The following ST8SIA1 variants were observed in gnomAD, a reference collection of about 807,000 sequenced individuals.
The protein encoded by ST8SIA1 is alpha-N-acetylneuraminide alpha-2,8-sialyltransferase.
A neutral mutation model predicts 35.9 loss-of-function variants in ST8SIA1; 16 were observed. The observed-to-expected ratio is 0.45, with a 90% CI of 0.30 to 0.68. The LOEUF is 0.68. Ranked by LOEUF, ST8SIA1 falls within the 30% of genes least tolerant of loss-of-function variation. The probability of loss-of-function intolerance (pLI) is 0.09; values close to 1 mark genes in which losing one functional copy is unlikely to be tolerated. For missense variants in ST8SIA1, 383 were observed against 453.6 expected (o/e 0.84, Z 1.41); for synonymous variants, 170 against 169.6 (o/e 1.00, Z -0.02).
chr12:22,325,507 C>A, intron 1 of ST8SIA1: 1 of 701,670 alleles, frequency 1.4e-6, no homozygotes, highest in South Asian at 1.5e-5. Flanking sequence ...TCCTTCAAAA[C>A]TCATTATCAT....
intron 4 of ST8SIA1, among the ~76,000 whole-genome samples, chr12:22,248,324 C>T (rs1031173795): frequency 1.3e-5 from 2 of 151,760 alleles, no homozygotes; most frequent in Admixed American, 6.6e-5. Context: ...AGACGGACTC[C>T]TTCTCTACAA....
chr12:22,226,930 T>G (rs1865365841), intron 4 of ST8SIA1, among the ~76,000 whole-genome samples: 1 of 152,094 alleles, frequency 6.6e-6, no homozygotes, highest in Non-Finnish European at 1.5e-5. Context: ...CCTCTGAGTC[T>G]TTTTTGTTTG....
intron 4 of ST8SIA1, among the ~76,000 whole-genome samples, chr12:22,232,536 C>T (rs1198464891): frequency 6.6e-6 from 1 of 152,110 alleles, no homozygotes; most frequent in Non-Finnish European, 1.5e-5. Context: ...ATTCATATTA[C>T]ATATCCAAAT....
intron 1 of ST8SIA1, among the ~76,000 whole-genome samples, chr12:22,316,080 T>A (rs756149028): frequency 1.1e-4 from 16 of 152,130 alleles, no homozygotes; most frequent in Admixed American, 2.6e-4. Context: ...CAAGTAAATA[T>A]TCTTAAACAA....
chr12:22,331,712 T>G (rs1866767491), intron 1 of ST8SIA1, among the ~76,000 whole-genome samples: 1 of 152,206 alleles, frequency 6.6e-6, no homozygotes, highest in Non-Finnish European at 1.5e-5. Flanking sequence ...ACTCAAACCA[T>G]GAAACTTCTC....
In ST8SIA1 at chr12:22,255,350, C is replaced by A. The variant is rs1472465901; in HGVS notation, c.421G>T (p.Val141Leu). The change falls in exon 3 of 5, where the codon GTG (valine) becomes TTG (leucine). Residue 141 changes from valine (V) to leucine (L), a missense_variant. Coordinates refer to ENST00000396037, the MANE Select transcript of ST8SIA1 (RefSeq NM_003034.4). ...FQLPLKKCAV[V>L]GNGGILKKSG... is the part of the protein sequence containing the mutation. ...TTCTTCAGAATCCCACCATTTCCCACCACCGCGCATTTCTTCAATGGCAGC... is the reference window on the plus strand; with the variant it reads ...TTCTTCAGAATCCCACCATTTCCCAACACCGCGCATTTCTTCAATGGCAGC... The A allele has an allele frequency of 6.2e-7, 1 of 1,614,044 alleles. No individual in the cohort carries two copies. The highest frequency in any genetic ancestry group is 8.5e-7 in the Non-Finnish European group (1 of 1,180,034).
chr12:22,250,370 G>A (rs544271123), intron 3 of ST8SIA1, among the ~76,000 whole-genome samples: 1 of 152,242 alleles, frequency 6.6e-6, no homozygotes, highest in African/African-American at 2.4e-5. Context: ...TGTACACTTA[G>A]TAAATATTCA....
At chr12:22,219,356 TG>T (rs1471479913) in intron 4 of ST8SIA1, among the ~76,000 whole-genome samples, 1 of 152,158 alleles carries the variant, frequency 6.6e-6, no homozygotes, top group African/African-American at 2.4e-5. Flanking sequence ...TTTCCCTTTG[TG>T]TCATAAACTC....
chr12:22,204,318 GT>G, intron 4 of ST8SIA1, among the ~76,000 whole-genome samples: 1 of 152,282 alleles, frequency 6.6e-6, no homozygotes, highest in African/African-American at 2.4e-5. Flanking sequence ...GTAATGTGGT[GT>G]TTTGATATGC....
chr12:22,313,995 A>T (rs1866484581), intron 1 of ST8SIA1, among the ~76,000 whole-genome samples: 1 of 152,128 alleles, frequency 6.6e-6, no homozygotes, highest in African/African-American at 2.4e-5. Context: ...TAAGGGGTGC[A>T]TTTGGAATAA....
At chr12:22,206,041 A>G (rs1865105480) in intron 4 of ST8SIA1, among the ~76,000 whole-genome samples, 1 of 152,218 alleles carries the variant, frequency 6.6e-6, no homozygotes, top group South Asian at 2.1e-4. Context: ...TAAAAATGTT[A>G]AAGCATTCAG....
chr12:22,330,590 T>C (rs1338647682), intron 1 of ST8SIA1, among the ~76,000 whole-genome samples: 2 of 152,208 alleles, frequency 1.3e-5, no homozygotes, highest in Non-Finnish European at 2.9e-5. Context: ...ATCTGTCTTT[T>C]CCATGGGATT....
intron 4 of ST8SIA1, among the ~76,000 whole-genome samples, chr12:22,222,022 C>G (rs1395359015): frequency 6.6e-6 from 1 of 151,976 alleles, no homozygotes; most frequent in Non-Finnish European, 1.5e-5. Flanking sequence ...TTGGAATCTT[C>G]TTAATAGTAC....
In ST8SIA1 at chr12:22,290,843, G is replaced by A. The variant is rs148950483; in HGVS notation, c.237-3550C>T. Among the ~76,000 whole-genome samples, 460 of 152,268 alleles carry A rather than the reference G, an allele frequency of 3.0e-3. 2 individuals are homozygous for A. The highest frequency in any genetic ancestry group is 0.011 in the African/African-American group (447 of 41,536). ...CTTTTTCATGCTTTGCGCTGATGCT[G>A]TGTATTATTTGCTTTTCTTTTGTGG... On this transcript the variant is annotated intron_variant, in intron 1 of 4. Transcript: ENST00000396037.
At chr12:22,256,414 G>A (rs1167713069) in intron 2 of ST8SIA1, among the ~76,000 whole-genome samples, 1 of 152,202 alleles carries the variant, frequency 6.6e-6, no homozygotes, top group East Asian at 1.9e-4. Flanking sequence ...GAACTGCCAG[G>A]TACAGAATTT....
At chr12:22,248,019 A>T (rs377406770) in intron 4 of ST8SIA1, among the ~76,000 whole-genome samples, 1 of 152,240 alleles carries the variant, frequency 6.6e-6, no homozygotes, top group Non-Finnish European at 1.5e-5. Context: ...ATTGTTTTAC[A>T]TATGGGTAAC....
chr12:22,274,247 G>A (rs61921824), intron 2 of ST8SIA1, among the ~76,000 whole-genome samples: 8,206 of 152,222 alleles, frequency 0.054, 328 homozygotes, highest in East Asian at 0.15. Flanking sequence ...GACAATCAAG[G>A]GTTTTAAGCA....
At chr12:22,273,944 G>C (rs941585080) in intron 2 of ST8SIA1, among the ~76,000 whole-genome samples, 1 of 152,180 alleles carries the variant, frequency 6.6e-6, no homozygotes, top group Non-Finnish European at 1.5e-5. Flanking sequence ...CAAATGAAAG[G>C]TACCTGGTGC....
intron 4 of ST8SIA1, among the ~76,000 whole-genome samples, chr12:22,228,715 A>G (rs992036374): frequency 6.6e-6 from 1 of 152,162 alleles, no homozygotes; most frequent in African/African-American, 2.4e-5. Flanking sequence ...TGGCATCTGA[A>G]GAAAGTAGGA....
Sources: allele counts gnomAD v4.1 joint callset (sites outside exome capture counted in the v4.1 genomes callset), GRCh38; gene constraint gnomAD v4.1.1; transcripts MANE v1.5; gene names NCBI Gene and HGNC (gene_info 2026-07-23, HGNC 2026-07-21).